Variants in CNIH3 observed in about 807,000 individuals in gnomAD.
CNIH3 encodes cornichon family AMPA receptor auxiliary protein 3.
In CNIH3, 14 loss-of-function variants were observed where a neutral mutation model predicts 24.1. That is an observed-to-expected ratio of 0.58 (90% confidence interval 0.38 to 0.91). The LOEUF is 0.91. Ranked by LOEUF, CNIH3 falls within the 40% of genes least tolerant of loss-of-function variation. CNIH3 has a pLI of 0.00. For synonymous variants in CNIH3, 68 were observed against 73.8 expected (o/e 0.92, Z 0.40); for missense variants, 178 against 196.8 (o/e 0.90, Z 0.57).
downstream of CNIH3, chr1:224,537,112 T>C (rs1210353909): frequency 6.6e-6 from 1 of 152,180 alleles, no homozygotes; most frequent in Non-Finnish European, 1.5e-5. Flanking sequence ...CAAAGATTTT[T>C]TAAAAAGGAA....
At chr1:224,599,056 G>A (rs957001657) in intron 3 of CNIH3, among the ~76,000 whole-genome samples, 1 of 152,074 alleles carries the variant, frequency 6.6e-6, no homozygotes, top group Non-Finnish European at 1.5e-5. Context: ...TGCAATGTAT[G>A]CTTAATATAG....
At chr1:224,553,482 G>T (rs964865439) in intron 3 of CNIH3, among the ~76,000 whole-genome samples, 1 of 152,072 alleles carries the variant, frequency 6.6e-6, no homozygotes, top group East Asian at 1.9e-4. Flanking sequence ...CCTCTGGTGC[G>T]ATGTGGCCAT....
intron 1 of CNIH3, among the ~76,000 whole-genome samples, chr1:224,627,103 C>G (rs1165854930): frequency 1.3e-5 from 2 of 152,160 alleles, no homozygotes; most frequent in Non-Finnish European, 2.9e-5. Context: ...CTTAGGAGGA[C>G]ATGGTGGACA....
intron 3 of CNIH3, among the ~76,000 whole-genome samples, chr1:224,602,009 T>C (rs549224065): frequency 6.6e-6 from 1 of 152,348 alleles, no homozygotes; most frequent in Admixed American, 6.5e-5. Context: ...GCTGGTACCA[T>C]TCTTTTCCAA....
At chr1:224,516,836 A>G (rs1043761788) in intron 1 of CNIH3, among the ~76,000 whole-genome samples, 1 of 151,846 alleles carries the variant, frequency 6.6e-6, no homozygotes, top group Non-Finnish European at 1.5e-5. Flanking sequence ...GTCTCTACGC[A>G]GTGCTAAGGA....
chr1:224,472,049 T>C (rs143752007), intron 1 of CNIH3, among the ~76,000 whole-genome samples: 2 of 152,340 alleles, frequency 1.3e-5, no homozygotes, highest in African/African-American at 4.8e-5. Flanking sequence ...CTCTTCGATA[T>C]ACTGATTTCC....
rs11437581 is a variant in CNIH3, at chr1:224,711,794, CAAAA to C, written c.199-18647_199-18644del. Among the ~76,000 whole-genome samples the C allele has an allele frequency of 1.1e-3, 74 of 65,664 alleles. 1 individual carries two copies. The South Asian group carries it at 0.021, about 19-fold the overall frequency. 43.1% of individuals were successfully genotyped at this position (65,664 alleles called of 152,430 possible). ...TGGGTGACAGAGCCAGACCCTGTCT[CAAAA>C]AAAAAAAAAAAAAAAAAAAAGAACC... On this transcript the variant is annotated intron_variant, in intron 3 of 5. Transcript: ENST00000272133.
At chr1:224,538,799 A>G (rs1461659515), downstream of CNIH3, among the ~76,000 whole-genome samples, 1 of 148,964 alleles carries the variant, frequency 6.7e-6, no homozygotes, top group Non-Finnish European at 1.5e-5. Flanking sequence ...AGCTGGGACT[A>G]CAGGAATGGC....
At chr1:224,665,764 G>T (rs1050921815) in intron 1 of CNIH3, among the ~76,000 whole-genome samples, 4 of 151,838 alleles carry the variant, frequency 2.6e-5, no homozygotes, top group Non-Finnish European at 5.9e-5. Flanking sequence ...GAGATTTACA[G>T]TTCCTCCCTC....
intron 2 of CNIH3, among the ~76,000 whole-genome samples, chr1:224,532,829 G>A (rs1679127491): frequency 6.6e-6 from 1 of 152,134 alleles, no homozygotes; most frequent in Admixed American, 6.5e-5. Context: ...CTGTTTCGCA[G>A]CTTTATGTGG....
chr1:224,737,472 C>T (rs1047959377), intron 5 of CNIH3, among the ~76,000 whole-genome samples: 1 of 152,062 alleles, frequency 6.6e-6, no homozygotes, highest in African/African-American at 2.4e-5. Context: ...TTGAATCTGG[C>T]CCCTTGGTGC....
intron 1 of CNIH3, among the ~76,000 whole-genome samples, chr1:224,631,686 T>C (rs974387279): frequency 3.3e-5 from 5 of 152,150 alleles, no homozygotes; most frequent in African/African-American, 1.2e-4. Context: ...TCTCAAACCG[T>C]GGGCTGACAT....
At chr1:224,461,936 AGTG>A (rs1212376507) in intron 1 of CNIH3, among the ~76,000 whole-genome samples, 1 of 152,192 alleles carries the variant, frequency 6.6e-6, no homozygotes, top group Non-Finnish European at 1.5e-5. Flanking sequence ...CACTTAGCAC[AGTG>A]TTTTCAATGT....
At chr1:224,518,344 GT>G (rs1169110542) in intron 1 of CNIH3, among the ~76,000 whole-genome samples, 1 of 152,058 alleles carries the variant, frequency 6.6e-6, no homozygotes, top group Non-Finnish European at 1.5e-5. Context: ...TATTTATTTA[GT>G]TTTTTTAGAG....
chr1:224,609,692 T>C (rs746808870), intron 3 of CNIH3, among the ~76,000 whole-genome samples: 9 of 152,190 alleles, frequency 5.9e-5, no homozygotes, highest in Non-Finnish European at 7.3e-5. Flanking sequence ...TATGGTCAGA[T>C]TTTCCTGTGG....
chr1:224,496,428 G>C lies in CNIH3; in HGVS notation n.204-19313G>C, dbSNP rs758045898. On this transcript the variant is annotated intron_variant and non_coding_transcript_variant, in intron 1 of 5. Coordinates refer to the CNIH3 transcript ENST00000471578. The stretch of plus-strand genomic sequence containing the variant: ...TGCTACCACCATCGCTCCTGCTGCT[G>C]CTGGGGCCTCCATGTTAGCCTGATA... Among the ~76,000 whole-genome samples, 4 of 151,932 alleles carry C rather than the reference G, an allele frequency of 2.6e-5. No individual in the cohort carries two copies. In the South Asian group the frequency reaches 8.4e-4, roughly 32 times the overall value.
chr1:224,642,616 C>T (rs555532619), intron 1 of CNIH3, among the ~76,000 whole-genome samples: 1 of 152,290 alleles, frequency 6.6e-6, no homozygotes, highest in South Asian at 2.1e-4. Flanking sequence ...CAGGCAGTCT[C>T]ACCCCAGAGC....
At position 224,501,525 on chromosome 1, in the gene CNIH3, A is replaced by ATAT. The variant is rs1285484115; in HGVS notation, n.204-14215_204-14214insATT. 1.4e-4 allele frequency among the ~76,000 whole-genome samples: 13 copies of ATAT among 92,802 alleles called. No homozygotes were observed. In the East Asian group the frequency reaches 1.5e-3, roughly 11 times the overall value. The allele number at this position is 92,802 out of a possible 152,430, so 60.9% of individuals were successfully genotyped here. On this transcript the variant is annotated intron_variant and non_coding_transcript_variant, in intron 1 of 5. Coordinates refer to the CNIH3 transcript ENST00000471578. Reference sequence around the variant, plus strand: ...TGAACCTATATATATATATATATATATTTTTTTTTTTTAACCCCAGAGTTC... The same window carrying ATAT: ...TGAACCTATATATATATATATATATATATTTTTTTTTTTTTAACCCCAGAGTTC...
At chr1:224,549,723 G>T (rs189882986) in intron 3 of CNIH3, among the ~76,000 whole-genome samples, 40 of 152,170 alleles carry the variant, frequency 2.6e-4, no homozygotes, top group South Asian at 2.1e-3. Flanking sequence ...TGAGAGTGAT[G>T]ATATTTCATT....
Sources: gnomAD v4.1 joint callset for allele counts (sites outside exome capture counted in the v4.1 genomes callset) on GRCh38, gnomAD v4.1.1 for gene constraint, MANE v1.5 for transcripts, NCBI Gene and HGNC (gene_info 2026-07-23, HGNC 2026-07-21) for gene names.